The following UGT1A9 variants were observed in gnomAD, a reference collection of about 807,000 sequenced individuals.
UGT1A9 encodes UDP-glucuronosyltransferase 1A9.
Under a neutral mutation model 45.0 loss-of-function variants are expected in UGT1A9, and 35 were observed. The ratio of observed to expected loss-of-function variants is 0.78; its 90% CI spans 0.59 to 1.03. UGT1A9 has a LOEUF of 1.03. UGT1A9 is among the 50% of genes least tolerant of loss of function. UGT1A9 has a pLI of 0.00. For synonymous variants in UGT1A9, 278 were observed against 250.6 expected (o/e 1.11, Z -1.03); for missense variants, 687 against 666.6 (o/e 1.03, Z -0.34).
Position 233,771,783 on chromosome 2 carries a change from TCTCC to T in UGT1A9, c.1296-460_1296-457del, listed in dbSNP as rs562104634. ...TCCTCCGTCCCTCTCTCCTTTCCTC[TCTCC>T]CTCCCTCCCTCCCTCCCTTCCTCCT... On this transcript the variant is annotated intron_variant, in intron 4 of 4. Coordinates refer to ENST00000354728, the MANE Select transcript of UGT1A9 (RefSeq NM_021027.3). Among the ~76,000 whole-genome samples, 597 of 151,668 alleles carry T rather than the reference TCTCC, an allele frequency of 3.9e-3. 3 individuals carry two copies. The Middle Eastern group carries it at 0.041, about 10-fold the overall frequency.
intron 1 of UGT1A9, chr2:233,691,651 C>T (rs1365739862): frequency 5.1e-5 from 50 of 985,020 alleles, no homozygotes; most frequent in Middle Eastern, 5.2e-4. Flanking sequence ...GCCAGTGTGA[C>T]CCTCCCTTTC....
chr2:233,695,461 T>C (rs558801774), intron 1 of UGT1A9, among the ~76,000 whole-genome samples: 16 of 152,020 alleles, frequency 1.1e-4, no homozygotes, highest in African/African-American at 3.4e-4. Flanking sequence ...ACGTGCTTTA[T>C]TGGCCCTTTA....
intron 1 of UGT1A9, among the ~76,000 whole-genome samples, chr2:233,731,168 T>A (rs1313291260): frequency 6.6e-6 from 1 of 152,138 alleles, no homozygotes; most frequent in Non-Finnish European, 1.5e-5. Flanking sequence ...AACGACATGA[T>A]TTTTTTATGC....
chr2:233,732,557 T>C (rs1353780891), intron 1 of UGT1A9, among the ~76,000 whole-genome samples: 4 of 152,228 alleles, frequency 2.6e-5, no homozygotes, highest in Non-Finnish European at 5.9e-5. Flanking sequence ...ATTTATTAAA[T>C]AAGGAATCCT....
intron 1 of UGT1A9, among the ~76,000 whole-genome samples, chr2:233,724,089 A>G (rs1195577143): frequency 1.0e-5 from 1 of 98,852 alleles, no homozygotes; most frequent in Non-Finnish European, 1.9e-5. Flanking sequence ...GGGGCTCCTC[A>G]CTTCCCAGTA....
chr2:233,762,063 T>A (rs1697956062), intron 1 of UGT1A9, among the ~76,000 whole-genome samples: 1 of 152,180 alleles, frequency 6.6e-6, no homozygotes, highest in Non-Finnish European at 1.5e-5. Flanking sequence ...TCATAGCACA[T>A]CAAATATGGC....
chr2:233,724,947 G>A (rs941284896), intron 1 of UGT1A9, among the ~76,000 whole-genome samples: 4 of 144,674 alleles, frequency 2.8e-5, no homozygotes, highest in East Asian at 4.2e-4. Flanking sequence ...CTGCAATCCC[G>A]GCACCTCGGG....
At chr2:233,712,295 G>A (rs1199448507) in intron 1 of UGT1A9, among the ~76,000 whole-genome samples, 2 of 152,246 alleles carry the variant, frequency 1.3e-5, no homozygotes, top group Non-Finnish European at 2.9e-5. Flanking sequence ...CTTCCATGGT[G>A]TAGATGGAGA....
At position 233,769,609 on chromosome 2, in the gene UGT1A9, C is replaced by A. The variant is rs776582226; in HGVS notation, c.1295+1170C>A. On this transcript the variant is annotated intron_variant, in intron 4 of 4. Coordinates refer to ENST00000354728, the MANE Select transcript of UGT1A9 (RefSeq NM_021027.3). The surrounding 1 kb of genome is among the most constrained non-coding windows in gnomAD (Gnocchi z 4.4). Reference sequence around the variant, plus strand: ...AGAGGAGACGGAACACGGGGACACACCAGCTTGAGCAAGGGACAACAGGGG... The same window carrying A: ...AGAGGAGACGGAACACGGGGACACAACAGCTTGAGCAAGGGACAACAGGGG... The A allele has an allele frequency of 4.3e-6, 7 of 1,612,634 alleles. No individual in the cohort carries two copies. The highest frequency in any genetic ancestry group is 1.7e-4 in the Middle Eastern group (1 of 6,054).
chr2:233,713,156 C>CCA, intron 1 of UGT1A9: 1 of 1,614,194 alleles, frequency 6.2e-7, no homozygotes, highest in Non-Finnish European at 8.5e-7. Flanking sequence ...ATGCGAGAGG[C>CCA]CACCAGGTGG....
At chr2:233,727,764 G>A (rs117456176) in intron 1 of UGT1A9, among the ~76,000 whole-genome samples, 2 of 152,186 alleles carry the variant, frequency 1.3e-5, no homozygotes, top group South Asian at 4.1e-4. Context: ...CTTGAGCTGG[G>A]TGTCCCCCAG....
At chr2:233,704,638 TG>T (rs1478275517) in intron 1 of UGT1A9, among the ~76,000 whole-genome samples, 3 of 152,208 alleles carry the variant, frequency 2.0e-5, no homozygotes, top group Non-Finnish European at 4.4e-5. Context: ...TTAACCTTTT[TG>T]CTTATCATTT....
rs2074970437 is a variant in UGT1A9 at position 233,689,999 on chromosome 2, C to T, written c.855+17210C>T. On this transcript the variant is annotated intron_variant, in intron 1 of 4. Transcript: ENST00000354728. The stretch of plus-strand genomic sequence containing the variant: ...AGGCCCCTAAAAGGGATTCTCACTT[C>T]ATCTCACCATTTTGGACCTTCCTCA... The T allele has an allele frequency of 6.7e-6, 3 of 449,912 alleles. No homozygotes were observed. The East Asian group carries it at 2.1e-4, about 31-fold the overall frequency. The allele number at this position is 449,912 out of a possible 1,614,324, so 27.9% of individuals were successfully genotyped here.
At chr2:233,695,293 T>A (rs192204458) in intron 1 of UGT1A9, among the ~76,000 whole-genome samples, 1 of 152,146 alleles carries the variant, frequency 6.6e-6, no homozygotes, top group Admixed American at 6.5e-5. Context: ...TCCCAGCTAA[T>A]TTTTGCATTT....
chr2:233,693,713 C>T (rs370730386), intron 1 of UGT1A9: 2 of 1,614,058 alleles, frequency 1.2e-6, no homozygotes, highest in African/African-American at 2.7e-5. Context: ...ATCAGCTGTC[C>T]TCAAGAGAGA....
At position 233,690,380 on chromosome 2, in the gene UGT1A9, C is replaced by T. The variant is rs188057547; in HGVS notation, c.855+17591C>T. 2.1e-4 allele frequency: 211 copies of T among 988,552 alleles called. 1 individual carries two copies. The African/African-American group carries it at 2.4e-3, about 11-fold the overall frequency. The allele number at this position is 988,552 out of a possible 1,614,324, so 61.2% of individuals were successfully genotyped here. On this transcript the variant is annotated intron_variant, in intron 1 of 4. Transcript: ENST00000354728. ...GAAGCAAACCTCTCCATAGGGTCCA[C>T]GTTTCCAGACCTTCCTATTCCCAAC... is the stretch of plus-strand genomic sequence containing the variant.
chr2:233,683,353 T>C (rs2074630089), intron 1 of UGT1A9, among the ~76,000 whole-genome samples: 1 of 152,192 alleles, frequency 6.6e-6, no homozygotes, highest in South Asian at 2.1e-4. Context: ...AGTCTTTACT[T>C]TGGATGCAAT....
intron 1 of UGT1A9, chr2:233,747,088 C>A: frequency 2.5e-6 from 3 of 1,192,376 alleles, no homozygotes; most frequent in East Asian, 2.7e-5. Flanking sequence ...AGGAGGAGAG[C>A]ACTCTATCTT....
chr2:233,718,895 G>A (rs1353556395), intron 1 of UGT1A9: 3 of 1,614,026 alleles, frequency 1.9e-6, no homozygotes, highest in Non-Finnish European at 8.5e-7. Context: ...TCCAGCCCTG[G>A]GCTGAGAGTG....
Sources: allele counts gnomAD v4.1 joint callset (sites outside exome capture counted in the v4.1 genomes callset), GRCh38; gene constraint gnomAD v4.1.1; non-coding constraint Gnocchi (gnomAD v3.1); transcripts MANE v1.5; gene names NCBI Gene and HGNC (gene_info 2026-07-23, HGNC 2026-07-21).